NDE1: variants seen among roughly 807,000 people sequenced by gnomAD.
NDE1 encodes nudE neurodevelopment protein 1, also known as nuclear distribution protein nudE homolog 1.
NDE1 carries 28 observed loss-of-function variants against 43.4 expected under a neutral mutation model. The observed-to-expected ratio is 0.65, with a 90% confidence interval of 0.48 to 0.89. The LOEUF is 0.89. Ranked by LOEUF, NDE1 falls within the 40% of genes least tolerant of loss-of-function variation. The probability of loss-of-function intolerance (pLI) is 0.00; values close to 1 mark genes in which losing one functional copy is unlikely to be tolerated. For missense variants in NDE1, 441 were observed against 434.1 expected, an observed-to-expected ratio of 1.02 and a Z score of -0.14; for synonymous variants, 184 against 172.0, an observed-to-expected ratio of 1.07 and a Z score of -0.55.
intron 8 of NDE1, among the ~76,000 whole-genome samples, chr16:15,722,540 C>CG (rs1394727717): frequency 6.6e-6 from 1 of 152,196 alleles, no homozygotes; most frequent in Non-Finnish European, 1.5e-5. Context: ...GCACTACACT[C>CG]TATGTGACAG....
At chr16:15,673,176 TTA>T (rs2037687841) in intron 3 of NDE1, among the ~76,000 whole-genome samples, 1 of 152,140 alleles carries the variant, frequency 6.6e-6, no homozygotes, top group Non-Finnish European at 1.5e-5. Flanking sequence ...GTGTTTTCTC[TTA>T]TGTTTGTAGA....
chr16:15,701,596 T>TG (rs1373072644), intron 8 of NDE1: 7 of 152,226 alleles, frequency 4.6e-5, no homozygotes, highest in Admixed American at 4.6e-4. Context: ...GACGTGAACG[T>TG]GGGATTTCCA....
chr16:15,722,817 T>C (rs1297139202), intron 8 of NDE1, among the ~76,000 whole-genome samples: 1 of 152,192 alleles, frequency 6.6e-6, no homozygotes, highest in African/African-American at 2.4e-5. Context: ...CTTGGCTCAC[T>C]GCAACCTCCA....
intron 8 of NDE1, among the ~76,000 whole-genome samples, chr16:15,723,336 T>TA (rs2040582272): frequency 6.6e-6 from 1 of 152,122 alleles, no homozygotes; most frequent in Admixed American, 6.6e-5. Context: ...GCATGATAGA[T>TA]AGAATTAGTC....
At chr16:15,716,603 C>A (rs1408324930) in intron 8 of NDE1, among the ~76,000 whole-genome samples, 1 of 152,114 alleles carries the variant, frequency 6.6e-6, no homozygotes, top group African/African-American at 2.4e-5. Context: ...CTCACTGCAA[C>A]CTCCACGTGT....
At chr16:15,661,201 T>G (rs1264615170) in intron 1 of NDE1, among the ~76,000 whole-genome samples, 1 of 149,698 alleles carries the variant, frequency 6.7e-6, no homozygotes, top group Non-Finnish European at 1.5e-5. Context: ...CAGGCTGGAG[T>G]GCAGTGGCGC....
intron 8 of NDE1, chr16:15,717,139 C>T (rs113504015): frequency 6.2e-7 from 1 of 1,614,216 alleles, no homozygotes; most frequent in Non-Finnish European, 8.5e-7. Context: ...CACCCGCATA[C>T]CTGGCCTCCT....
intron 8 of NDE1, chr16:15,721,794 TTC>T (rs1476498615): frequency 2.8e-6 from 2 of 715,388 alleles, no homozygotes; most frequent in African/African-American, 3.6e-5. Context: ...TCATCTGGCG[TTC>T]TGACTTCTAC....
At chr16:15,691,507 G>A (rs2038752225) in intron 6 of NDE1, among the ~76,000 whole-genome samples, 184 bp downstream of exon 6, 1 of 152,112 alleles carries the variant, frequency 6.6e-6, no homozygotes, top group Admixed American at 6.6e-5. Flanking sequence ...TGAGGACTGG[G>A]TAAGAGGCAG....
At chr16:15,718,020 C>T (rs1003760550) in intron 8 of NDE1, 11 of 499,864 alleles carry the variant, frequency 2.2e-5, no homozygotes, top group South Asian at 1.1e-4. Context: ...TAGGGGAAAA[C>T]GCAATGAAAG....
In NDE1 at chr16:15,721,259, TCTC is replaced by T; in HGVS notation, c.948-2931_948-2929del. On this transcript the variant is annotated intron_variant, in intron 8 of 8. Transcript: ENST00000396354. Reference sequence around the variant, plus strand: ...ACTCAGACCCATCCTCGACTGCCATTCTCAGCCCCTCCCAGCCCCTGCACCAGT... The same window carrying T: ...ACTCAGACCCATCCTCGACTGCCATTAGCCCCTCCCAGCCCCTGCACCAGT... The T allele has an allele frequency of 3.1e-6, 3 of 976,192 alleles. No homozygotes were observed. In the South Asian group the frequency reaches 4.2e-5, roughly 14 times the overall value. The allele number at this position is 976,192 out of a possible 1,614,324, so 60.5% of individuals were successfully genotyped here.
At chr16:15,708,840 C>A in intron 8 of NDE1, 1 of 1,610,054 alleles carries the variant, frequency 6.2e-7, no homozygotes, top group Non-Finnish European at 8.5e-7. Flanking sequence ...GGGGGGGGCC[C>A]TCTGAAACAG....
chr16:15,669,107 A>G (rs1376203373), intron 3 of NDE1, among the ~76,000 whole-genome samples: 4 of 150,702 alleles, frequency 2.7e-5, no homozygotes, highest in African/African-American at 9.8e-5. Flanking sequence ...TCACCGTGTT[A>G]GCTAGGATGG....
chr16:15,707,017 C>G (rs773587581), intron 8 of NDE1, among the ~76,000 whole-genome samples: 3 of 152,094 alleles, frequency 2.0e-5, no homozygotes, highest in Non-Finnish European at 4.4e-5. Flanking sequence ...TAAAGGTTTT[C>G]TTAAAGGGTC....
chr16:15,724,590 C>T lies in NDE1; in HGVS notation c.*339C>T, dbSNP rs567519206. The T allele has an allele frequency of 2.6e-5, 42 of 1,612,368 alleles. No individual in the cohort carries two copies. The South Asian group carries it at 4.3e-4, about 16-fold the overall frequency. ...CCACCGCGATCTGCCTGCGGGGGAT[C>T]TCAGCGCAGAGAAGTTGAGAGGACC... On this transcript the variant is annotated 3_prime_UTR_variant, in exon 9 of 9. Transcript: ENST00000396354.
chr16:15,696,510 C>G (rs2039020565), intron 7 of NDE1, among the ~76,000 whole-genome samples, 199 bp from the exon 8 acceptor site: 1 of 152,080 alleles, frequency 6.6e-6, no homozygotes, highest in African/African-American at 2.4e-5. Flanking sequence ...GCCATTGTGC[C>G]CAGCCAGCTC....
Position 15,699,929 on chromosome 16 carries a change from G to T in NDE1, c.947+3069G>T, listed in dbSNP as rs1289659925. The T allele has an allele frequency of 5.6e-6, 7 of 1,239,878 alleles. No homozygotes were observed. The African/African-American group carries it at 6.2e-5, about 11-fold the overall frequency. The allele number at this position is 1,239,878 out of a possible 1,614,324, so 76.8% of individuals were successfully genotyped here. A position where few individuals can be genotyped will look rare whatever the true frequency, so the allele number is the denominator to read the frequency against. ...TAAGTTAGTTTGAGAAATAAGAGCA[G>T]TCACCATAGTTAGTTAGCTTTGCGG... On this transcript the variant is annotated intron_variant, in intron 8 of 8. Coordinates refer to ENST00000396354, the MANE Select transcript of NDE1 (RefSeq NM_017668.3).
At chr16:15,695,148 C>T (rs571485407) in intron 7 of NDE1, among the ~76,000 whole-genome samples, 25 of 150,214 alleles carry the variant, frequency 1.7e-4, no homozygotes, top group African/African-American at 5.9e-4. Context: ...TCCAACACTG[C>T]ACTCCATCCT....
Position 15,691,250 on chromosome 16 carries a change from C to T in NDE1, c.630C>T (p.Gly210=), listed in dbSNP as rs776998834. The change falls in exon 6 of 9, where the codon GGC becomes GGT. Residue 210 remains glycine, a synonymous_variant. Coordinates refer to ENST00000396354, the MANE Select transcript of NDE1 (RefSeq NM_017668.3). The part of the protein sequence containing the change: ...ERTDTAVQAT[G]SVPSTPIAHR... ...CAGACACAGCTGTGCAGGCCACGGGCTCCGTGCCGTCCACGCCCATTGCTC... is the reference window on the plus strand; with the variant it reads ...CAGACACAGCTGTGCAGGCCACGGGTTCCGTGCCGTCCACGCCCATTGCTC... 1.9e-6 allele frequency: 3 copies of T among 1,614,070 alleles called. No individual in the cohort carries two copies. Among genetic ancestry groups the T allele is most frequent in the Middle Eastern group, 1.6e-4 (1 of 6,084 alleles).
Sources: allele counts gnomAD v4.1 joint callset (sites outside exome capture counted in the v4.1 genomes callset), GRCh38; gene constraint gnomAD v4.1.1; transcripts MANE v1.5; gene names NCBI Gene and HGNC (gene_info 2026-07-23, HGNC 2026-07-21).